The following ZBTB44 variants were observed in gnomAD, a reference collection of about 807,000 sequenced individuals.
ZBTB44 encodes zinc finger and BTB domain containing 44.
Under a neutral mutation model 54.0 loss-of-function variants are expected in ZBTB44, and 15 were observed. That is an observed-to-expected ratio of 0.28 (90% CI 0.19 to 0.43). The LOEUF (loss-of-function observed/expected upper bound fraction) is 0.43. Ranked by LOEUF, ZBTB44 falls within the 20% of genes least tolerant of loss-of-function variation. The pLI is 1.00. For synonymous variants in ZBTB44, 230 were observed against 250.1 expected (o/e 0.92, Z 0.76); for missense variants, 487 against 707.1 (o/e 0.69, Z 3.53).
intron 1 of ZBTB44, among the ~76,000 whole-genome samples, chr11:130,308,379 T>C (rs942734686): frequency 3.3e-5 from 5 of 152,194 alleles, no homozygotes; most frequent in African/African-American, 1.2e-4. Flanking sequence ...TTACATTTAG[T>C]TGTGAGGTGG....
intron 3 of ZBTB44, 51 bp from the exon 4 acceptor site, chr11:130,238,658 A>G: frequency 1.3e-6 from 2 of 1,552,186 alleles, no homozygotes; most frequent in Non-Finnish European, 1.7e-6. Context: ...TTTAAACTGA[A>G]TAAACACTGC....
intron 1 of ZBTB44, among the ~76,000 whole-genome samples, chr11:130,264,124 T>C (rs758237151): frequency 1.3e-5 from 2 of 152,212 alleles, no homozygotes; most frequent in Non-Finnish European, 2.9e-5. Context: ...CTTACTATAT[T>C]CAGTGGTATA....
At chr11:130,288,865 C>T (rs190480757) in intron 1 of ZBTB44, among the ~76,000 whole-genome samples, 316 of 151,036 alleles carry the variant, frequency 2.1e-3, no homozygotes, top group African/African-American at 6.8e-3. Context: ...CCACTGCACT[C>T]CAGCGTGGGT....
At chr11:130,290,803 T>C (rs1353099268) in intron 1 of ZBTB44, among the ~76,000 whole-genome samples, 1 of 152,188 alleles carries the variant, frequency 6.6e-6, no homozygotes, top group Non-Finnish European at 1.5e-5. Context: ...ATTACATTGA[T>C]GGGGAAATTG....
intron 1 of ZBTB44, among the ~76,000 whole-genome samples, chr11:130,284,223 T>A (rs34532470): frequency 6.6e-6 from 1 of 152,218 alleles, no homozygotes; most frequent in Admixed American, 6.5e-5. Context: ...CTGTATATGA[T>A]GTTAATTGCA....
intron 1 of ZBTB44, among the ~76,000 whole-genome samples, chr11:130,278,280 C>T (rs1940252049): frequency 1.3e-5 from 2 of 152,136 alleles, no homozygotes; most frequent in African/African-American, 4.8e-5. Flanking sequence ...TAACCTAACA[C>T]AAAGTATTTT....
intron 2 of ZBTB44, among the ~76,000 whole-genome samples, chr11:130,243,722 A>T: frequency 6.6e-6 from 1 of 152,194 alleles, no homozygotes; most frequent in Middle Eastern, 3.2e-3. Context: ...CACTGAATAC[A>T]TTTATCTTCA....
chr11:130,240,053 T>C (rs1954291568), intron 2 of ZBTB44, among the ~76,000 whole-genome samples, 157 bp from the exon 3 acceptor site: 1 of 151,068 alleles, frequency 6.6e-6, no homozygotes, highest in African/African-American at 2.4e-5. Flanking sequence ...TTTTTTTTTT[T>C]TTTTTTGAGA....
chr11:130,234,575 T>C (rs1954023535), intron 5 of ZBTB44, among the ~76,000 whole-genome samples: 1 of 152,238 alleles, frequency 6.6e-6, no homozygotes, highest in Non-Finnish European at 1.5e-5. Context: ...AGTTTCTATA[T>C]ACAAAACAAA....
At chr11:130,246,278 T>C (rs181176836) in intron 2 of ZBTB44, among the ~76,000 whole-genome samples, 92 of 152,278 alleles carry the variant, frequency 6.0e-4, no homozygotes, top group African/African-American at 1.1e-3. Context: ...CACATATATA[T>C]ACACACACAC....
At chr11:130,250,160 G>C (rs1010016784) in intron 2 of ZBTB44, among the ~76,000 whole-genome samples, 7 of 152,172 alleles carry the variant, frequency 4.6e-5, no homozygotes, top group Admixed American at 4.6e-4. Context: ...AGTTCCAACT[G>C]GGCAGAACTC....
At chr11:130,268,797 C>T (rs895066912) in intron 1 of ZBTB44, among the ~76,000 whole-genome samples, 1 of 150,720 alleles carries the variant, frequency 6.6e-6, no homozygotes, top group Non-Finnish European at 1.5e-5. Flanking sequence ...CCAGGCTGGT[C>T]TCGAACTCCT....
chr11:130,302,241 A>T (rs1942026798), intron 1 of ZBTB44, among the ~76,000 whole-genome samples: 2 of 152,178 alleles, frequency 1.3e-5, no homozygotes, highest in African/African-American at 4.8e-5. Flanking sequence ...AGACAAGTTA[A>T]GGAACTAGCC....
chr11:130,255,745 T>C (rs1938377203), intron 2 of ZBTB44, among the ~76,000 whole-genome samples: 2 of 151,928 alleles, frequency 1.3e-5, no homozygotes, highest in African/African-American at 2.4e-5. Flanking sequence ...AAATACAAAC[T>C]ACCATCAGGG....
chr11:130,304,797 A>G (rs1942180200), intron 1 of ZBTB44, among the ~76,000 whole-genome samples: 1 of 152,154 alleles, frequency 6.6e-6, no homozygotes, highest in African/African-American at 2.4e-5. Context: ...ACCAAGCTGC[A>G]AAGGAGGAAG....
intron 1 of ZBTB44, among the ~76,000 whole-genome samples, chr11:130,302,699 C>G (rs116178186): frequency 2.2e-4 from 33 of 152,312 alleles, no homozygotes; most frequent in African/African-American, 7.9e-4. Context: ...GAGGGCCGGG[C>G]GTGATGGCTC....
At chr11:130,266,053 A>T (rs955708992) in intron 1 of ZBTB44, among the ~76,000 whole-genome samples, 1 of 152,250 alleles carries the variant, frequency 6.6e-6, no homozygotes, top group African/African-American at 2.4e-5. Flanking sequence ...ACAGCTAGAG[A>T]GAAGTCAATG....
At chr11:130,245,485 C>G (rs1321981617) in intron 2 of ZBTB44, among the ~76,000 whole-genome samples, 2 of 152,150 alleles carry the variant, frequency 1.3e-5, no homozygotes, top group Non-Finnish European at 2.9e-5. Context: ...ACATCAAGAC[C>G]TATTTGACGG....
rs150920656 is a variant in ZBTB44, at chr11:130,234,867, T to C, written c.1569-594A>G. ...GAATGCCTTGAGATTGGTTATGTGA[T>C]AATCCTCAAAACGTGTTCAATTATT... On this transcript the variant is annotated intron_variant, in intron 5 of 7. Transcript: ENST00000357899. 1.6e-3 allele frequency among the ~76,000 whole-genome samples: 241 copies of C among 152,330 alleles called. 5 individuals carry two copies. The South Asian group carries it at 0.035, about 22-fold the overall frequency.
Sources: allele counts gnomAD v4.1 joint callset (sites outside exome capture counted in the v4.1 genomes callset), GRCh38; gene constraint gnomAD v4.1.1; transcripts MANE v1.5; gene names NCBI Gene and HGNC (gene_info 2026-07-23, HGNC 2026-07-21).